CEP83: variants seen among roughly 807,000 people sequenced by gnomAD.
CEP83 encodes the protein centrosomal protein of 83 kDa.
CEP83 carries 70 observed loss-of-function variants against 101.9 expected under a neutral mutation model. The observed-to-expected ratio is 0.69, with a 90% CI of 0.57 to 0.84. CEP83 has a LOEUF of 0.84. Among genes scored for constraint, CEP83 ranks in the 40% least tolerant of loss-of-function variants. The pLI, the probability that CEP83 is intolerant of heterozygous loss-of-function variation, is 0.00. For missense variants in CEP83, 715 were observed against 787.2 expected (o/e 0.91, Z 1.10); for synonymous variants, 264 against 267.9 (o/e 0.99, Z 0.14).
chr12:94,300,750 C>T, the CEP83 span, among the ~76,000 whole-genome samples: 2 of 152,176 alleles, frequency 1.3e-5, no homozygotes, highest in Non-Finnish European at 2.9e-5. Flanking sequence ...TTCTTCTTCT[C>T]TCCAAGTGAC....
the CEP83 span, among the ~76,000 whole-genome samples, chr12:94,285,194 C>T: frequency 6.6e-6 from 1 of 152,104 alleles, no homozygotes; most frequent in Non-Finnish European, 1.5e-5. Context: ...CCCAGCACAC[C>T]GGGAGGGTAG....
At chr12:94,380,071 CAAAAAA>C (rs11362391) in intron 6 of CEP83, among the ~76,000 whole-genome samples, 1 of 83,194 alleles carries the variant, frequency 1.2e-5, no homozygotes, top group Non-Finnish European at 2.4e-5. Flanking sequence ...CCCGGCCCTG[CAAAAAA>C]AAAAAAAAAA....
In CEP83 at chr12:94,316,265, T is replaced by C. The variant is rs148512270; in HGVS notation, c.1708-3248A>G. On this transcript the variant is annotated intron_variant, in intron 14 of 16. Coordinates refer to ENST00000397809, the MANE Select transcript of CEP83 (RefSeq NM_016122.3). ...TATTTTTATGCTATTGTAAATGGCA[T>C]TTAAATATTTTCTAATTGTGTGTGT... Among the ~76,000 whole-genome samples the C allele has an allele frequency of 9.2e-4, 140 of 152,316 alleles. 1 individual carries two copies. The highest frequency in any genetic ancestry group is 5.0e-3 in the East Asian group (26 of 5,192).
At chr12:94,353,911 G>A (rs1311686661) in intron 11 of CEP83, among the ~76,000 whole-genome samples, 1 of 149,244 alleles carries the variant, frequency 6.7e-6, no homozygotes, top group Non-Finnish European at 1.5e-5. Flanking sequence ...TTATATAATG[G>A]AAAAAAAAAC....
At chr12:94,279,593 C>A in the CEP83 span, 1 of 1,614,116 alleles carries the variant, frequency 6.2e-7, no homozygotes, top group Non-Finnish European at 8.5e-7. Flanking sequence ...ATTTTCCAAG[C>A]ATTCTTAAGC....
chr12:94,294,596 C>T, the CEP83 span: 1 of 761,858 alleles, frequency 1.3e-6, no homozygotes, highest in Non-Finnish European at 2.3e-6. Context: ...TAAAGTATTG[C>T]TTTTTGCCTC....
intron 11 of CEP83, among the ~76,000 whole-genome samples, chr12:94,348,499 A>G (rs889951309): frequency 1.3e-5 from 2 of 152,080 alleles, no homozygotes; most frequent in African/African-American, 2.4e-5. Flanking sequence ...ATGCAACAAC[A>G]AACTATTTCT....
intron 1 of CEP83, among the ~76,000 whole-genome samples, chr12:94,455,995 C>A (rs1277433892): frequency 1.4e-5 from 2 of 147,784 alleles, no homozygotes; most frequent in African/African-American, 2.5e-5. Flanking sequence ...TTGCAGTGAA[C>A]AAAGATTGCA....
intron 15 of CEP83, among the ~76,000 whole-genome samples, chr12:94,311,066 T>C (rs1277499805): frequency 6.6e-6 from 1 of 152,082 alleles, no homozygotes; most frequent in Non-Finnish European, 1.5e-5. Context: ...TCTGGGAAGG[T>C]AAAGGACTAA....
At chr12:94,454,953 C>G (rs912404483) in intron 1 of CEP83, among the ~76,000 whole-genome samples, 1 of 152,152 alleles carries the variant, frequency 6.6e-6, no homozygotes, top group Non-Finnish European at 1.5e-5. Context: ...AGCCTCACTC[C>G]TGAAGTCAGC....
chr12:94,287,784 G>A, the CEP83 span, among the ~76,000 whole-genome samples: 2 of 152,318 alleles, frequency 1.3e-5, no homozygotes, highest in African/African-American at 4.8e-5. Context: ...ATCGCTAAAG[G>A]TCTGTTGCAG....
chr12:94,313,242 CA>C, intron 14 of CEP83: 2 of 280,758 alleles, frequency 7.1e-6, no homozygotes, highest in Non-Finnish European at 6.5e-6. Context: ...GAATGCCAAA[CA>C]AAAAAACTGT....
chr12:94,342,443 A>G (rs933391773), intron 11 of CEP83, among the ~76,000 whole-genome samples: 10 of 152,192 alleles, frequency 6.6e-5, no homozygotes, highest in African/African-American at 2.4e-4. Context: ...CCATACCCTT[A>G]GCATAACTGG....
chr12:94,282,966 C>A, the CEP83 span: 1 of 153,354 alleles, frequency 6.5e-6, no homozygotes, highest in African/African-American at 2.4e-5. Context: ...CCAGAGAAAC[C>A]TGCACATAAC....
chr12:94,312,986 CT>C lies in CEP83; in HGVS notation c.1738del (p.Arg580AspfsTer6). 6.4e-7 allele frequency: 1 copy of C among 1,573,212 alleles called. No homozygotes were observed. On this transcript the variant is annotated frameshift_variant, in exon 15 of 17. Coordinates refer to ENST00000397809, the MANE Select transcript of CEP83 (RefSeq NM_016122.3). LOFTEE classifies it high-confidence loss of function. ...RKSLHENKLK[R>X]LQEKVEVLEA... Reference sequence around the variant, plus strand: ...CAAGACTTCTACTTTCTCTTGTAGTCTTTTCAATTTGTTTTCATGAAGAGAT... The same window carrying C: ...CAAGACTTCTACTTTCTCTTGTAGTCTTTCAATTTGTTTTCATGAAGAGAT...
chr12:94,354,115 T>C (rs1007119825), intron 11 of CEP83, among the ~76,000 whole-genome samples: 2 of 152,094 alleles, frequency 1.3e-5, no homozygotes, highest in African/African-American at 4.8e-5. Context: ...TAAACTACAC[T>C]GTAGACCAAA....
intron 11 of CEP83, among the ~76,000 whole-genome samples, chr12:94,342,360 A>G (rs2059720908): frequency 6.6e-6 from 1 of 152,226 alleles, no homozygotes; most frequent in Non-Finnish European, 1.5e-5. Flanking sequence ...GCAGATGTCT[A>G]GCTCTGTGTT....
At chr12:94,303,667 C>T (rs962766326), downstream of CEP83, 7 of 1,171,320 alleles carry the variant, frequency 6.0e-6, no homozygotes, top group South Asian at 1.3e-4. Context: ...GGTTCAGCTA[C>T]ATTGGAATAT....
intron 11 of CEP83, chr12:94,361,287 G>A (rs978352098): frequency 1.3e-5 from 2 of 152,182 alleles, no homozygotes; most frequent in South Asian, 2.1e-4. Context: ...GATCACCTGA[G>A]TCCAGAAATT....
Sources: allele counts gnomAD v4.1 joint callset (sites outside exome capture counted in the v4.1 genomes callset), GRCh38; gene constraint gnomAD v4.1.1; transcripts MANE v1.5; gene names NCBI Gene and HGNC (gene_info 2026-07-23, HGNC 2026-07-21).